The following ATG4B variants were observed in gnomAD, a reference collection of about 807,000 sequenced individuals.
The protein encoded by ATG4B is autophagy related 4B cysteine peptidase, also known as cysteine protease ATG4B.
Under a neutral mutation model 56.6 loss-of-function variants are expected in ATG4B, and 29 were observed. That is an observed-to-expected ratio of 0.51 (90% CI 0.38 to 0.70). The LOEUF is 0.70. Ranked by LOEUF, ATG4B falls within the 30% of genes least tolerant of loss-of-function variation. ATG4B has a pLI of 0.00. For missense variants in ATG4B, 461 were observed against 515.5 expected (o/e 0.89, Z 1.02); for synonymous variants, 224 against 206.1 (o/e 1.09, Z -0.74).
intron 1 of ATG4B, among the ~76,000 whole-genome samples, chr2:241,643,573 T>A (rs1157197613): frequency 1.3e-5 from 2 of 150,054 alleles, no homozygotes; most frequent in Non-Finnish European, 3.0e-5. Flanking sequence ...TATATATTTA[T>A]TTATGTATAT....
chr2:241,664,393 C>G (rs1175396301), intron 7 of ATG4B, among the ~76,000 whole-genome samples: 1 of 152,148 alleles, frequency 6.6e-6, no homozygotes, highest in Non-Finnish European at 1.5e-5. Context: ...AAAAAACTAG[C>G]CGGACATGGG....
At chr2:241,652,633 A>G (rs2125124774) in intron 3 of ATG4B, among the ~76,000 whole-genome samples, 1 of 152,234 alleles carries the variant, frequency 6.6e-6, no homozygotes, top group Admixed American at 6.5e-5. Context: ...AGTGTCTGGG[A>G]CTACAGGTGC....
chr2:241,643,817 C>T (rs546673306), intron 1 of ATG4B, among the ~76,000 whole-genome samples: 139 of 151,666 alleles, frequency 9.2e-4, no homozygotes, highest in African/African-American at 3.2e-3. Flanking sequence ...CCCACCTTGG[C>T]CTCCTAAAGT....
At position 241,642,871 on chromosome 2, in the gene ATG4B, C is replaced by CTTTTTTTTTTTTTTTTTTTTTTTTTTTT. The variant is rs1321613822; in HGVS notation, c.10+5147_10+5148insTTTTTTTTTTTTTTTTTTTTTTTTTTTT. 1.2e-4 allele frequency among the ~76,000 whole-genome samples: 12 copies of CTTTTTTTTTTTTTTTTTTTTTTTTTTTT among 98,428 alleles called. 5 individuals carry two copies. Among genetic ancestry groups the CTTTTTTTTTTTTTTTTTTTTTTTTTTTT allele is most frequent in the African/African-American group, 3.0e-4 (7 of 23,504 alleles). 64.6% of individuals were successfully genotyped at this position (98,428 alleles called of 152,430 possible). A position where few individuals can be genotyped will look rare whatever the true frequency, so the allele number is the denominator to read the frequency against. On this transcript the variant is annotated intron_variant, in intron 1 of 12. Transcript: ENST00000404914. ...CTTAAGGTGTACAGCACCTCTCCGT[C>CTTTTTTTTTTTTTTTTTTTTTTTTTTTT]CTTTTTTTTTTTTTTTTTTTTTTTT...
In ATG4B at chr2:241,668,091, G is replaced by A. The variant is rs1057031332; in HGVS notation, c.733-52G>A. On this transcript the variant is annotated intron_variant, in intron 8 of 12. Coordinates refer to ENST00000404914, the MANE Select transcript of ATG4B (RefSeq NM_013325.5). The surrounding 1 kb of genome is among the most constrained non-coding windows in gnomAD (Gnocchi z 4.2). ...GGGCCCCCTATGGCAGTGGGTGGGG[G>A]GACCGTCTGCTCCCACCTGGGACCT... 1.3e-6 allele frequency: 2 copies of A among 1,537,852 alleles called. No individual in the cohort carries two copies. Among genetic ancestry groups the A allele is most frequent in the Non-Finnish European group, 1.8e-6 (2 of 1,136,574 alleles).
At chr2:241,652,749 C>T (rs963034629) in intron 3 of ATG4B, among the ~76,000 whole-genome samples, 4 of 152,158 alleles carry the variant, frequency 2.6e-5, no homozygotes, top group African/African-American at 7.2e-5. Flanking sequence ...TGGTGGGTGA[C>T]GGCCACCACT....
At chr2:241,669,477 A>T (rs1171353011) in intron 10 of ATG4B, among the ~76,000 whole-genome samples, 1 of 151,942 alleles carries the variant, frequency 6.6e-6, no homozygotes, top group Non-Finnish European at 1.5e-5. Flanking sequence ...AGTGGGGAAC[A>T]TGGGCTGGAG....
At chr2:241,639,376 G>C (rs2067812068) in intron 1 of ATG4B, among the ~76,000 whole-genome samples, 1 of 152,218 alleles carries the variant, frequency 6.6e-6, no homozygotes, top group African/African-American at 2.4e-5. Context: ...CCATTGCCCT[G>C]CTCCAGGCTA....
At chr2:241,650,673 G>T (rs545723580) in intron 1 of ATG4B, among the ~76,000 whole-genome samples, 2 of 152,186 alleles carry the variant, frequency 1.3e-5, no homozygotes, top group African/African-American at 4.8e-5. Context: ...TCACCCCTCA[G>T]GTTGGCCCCT....
Position 241,666,808 on chromosome 2 carries a change from C to T in ATG4B, c.702C>T (p.Asp234=), listed in dbSNP as rs904924984. The change falls in exon 8 of 13, where the codon GAC becomes GAT. Residue 234 remains aspartate (D), a synonymous_variant. Coordinates refer to ENST00000404914, the MANE Select transcript of ATG4B (RefSeq NM_013325.5). The part of the protein sequence containing the change: ...LLIPLRLGLT[D]INEAYVETLK... ...TTCCCCTGCGCCTGGGGCTCACGGACATCAACGAGGCCTACGTGGAGACGC... is the reference window on the plus strand; with the variant it reads ...TTCCCCTGCGCCTGGGGCTCACGGATATCAACGAGGCCTACGTGGAGACGC... 5.1e-6 allele frequency: 8 copies of T among 1,574,348 alleles called. No homozygotes were observed. Among genetic ancestry groups the T allele is most frequent in the South Asian group, 1.2e-5 (1 of 85,998 alleles).
intron 7 of ATG4B, chr2:241,659,889 C>G (rs913914586): frequency 6.3e-6 from 1 of 158,572 alleles, no homozygotes; most frequent in Admixed American, 5.9e-5. Context: ...ATCCAATTTT[C>G]CATAAGAAAG....
At chr2:241,670,979 A>C (rs1013728936) in intron 11 of ATG4B, among the ~76,000 whole-genome samples, 197 bp downstream of exon 11, 18 of 152,302 alleles carry the variant, frequency 1.2e-4, no homozygotes, top group African/African-American at 4.3e-4. Flanking sequence ...CACAGTTAAC[A>C]ACCCTGGGGA....
chr2:241,668,757 C>T lies in ATG4B; in HGVS notation c.957+72C>T, dbSNP rs780892379. The T allele has an allele frequency of 6.2e-5, 93 of 1,499,602 alleles. 1 individual carries two copies. The Admixed American group carries it at 1.2e-3, about 19-fold the overall frequency. The allele number at this position is 1,499,602 out of a possible 1,614,324, so 92.9% of individuals were successfully genotyped here. ...GTTTGGGAATGACGAGGAAAACTTT[C>T]GGATTTTTGCGTTTTTTTTTTCAGC... On this transcript the variant is annotated intron_variant, in intron 10 of 12. Transcript: ENST00000404914. This position sits in a 1 kb window ranked among gnomAD's most constrained non-coding sequence, Gnocchi z 4.2.
chr2:241,671,205 G>T, intron 11 of ATG4B, 107 bp from the exon 12 acceptor site: 2 of 958,546 alleles, frequency 2.1e-6, no homozygotes, highest in Non-Finnish European at 3.2e-6. Flanking sequence ...TCATCAGTGA[G>T]ATGGGATGAC....
chr2:241,655,508 T>G, intron 6 of ATG4B, 165 bp downstream of exon 6: 1 of 678,206 alleles, frequency 1.5e-6, no homozygotes, highest in South Asian at 1.9e-5. Context: ...GTCTTGTGAA[T>G]AGGAATTTAT....
At chr2:241,650,364 G>C (rs1300085745) in intron 1 of ATG4B, among the ~76,000 whole-genome samples, 1 of 152,086 alleles carries the variant, frequency 6.6e-6, no homozygotes, top group African/African-American at 2.4e-5. Context: ...AGCACCCCAT[G>C]CTTCTCCAGC....
intron 7 of ATG4B, among the ~76,000 whole-genome samples, chr2:241,662,837 C>T (rs1031941969): frequency 7.5e-6 from 1 of 132,566 alleles, no homozygotes; most frequent in African/African-American, 2.9e-5. Flanking sequence ...AACTTCAAAA[C>T]CAATAAAGTG....
At position 241,668,532 on chromosome 2, in the gene ATG4B, C is replaced by A. The variant is rs778320451; in HGVS notation, c.812-8C>A. 12 of 1,607,018 alleles carry A rather than the reference C, an allele frequency of 7.5e-6. No homozygotes were observed. Among genetic ancestry groups the A allele is most frequent in the Non-Finnish European group, 9.3e-6 (11 of 1,178,964 alleles). On this transcript the variant is annotated splice_polypyrimidine_tract_variant and splice_region_variant and intron_variant, in intron 9 of 12. Coordinates refer to ENST00000404914, the MANE Select transcript of ATG4B (RefSeq NM_013325.5). The surrounding 1 kb of genome is among the most constrained non-coding windows in gnomAD (Gnocchi z 4.2). ...CCACCCACCTGCCCACCTGCCTCAT[C>A]CTCCCAGGTGAGGAGCTCATCTACC... is the stretch of plus-strand genomic sequence containing the variant.
chr2:241,673,377 C>G lies in ATG4B; in HGVS notation c.*1113C>G. 1 of 362,182 alleles carries G rather than the reference C, an allele frequency of 2.8e-6. No individual in the cohort carries two copies. The highest frequency in any genetic ancestry group is 2.0e-5 in the South Asian group (1 of 49,806). The allele number at this position is 362,182 out of a possible 1,614,324, so 22.4% of individuals were successfully genotyped here. A position where few individuals can be genotyped will look rare whatever the true frequency, so the allele number is the denominator to read the frequency against. ...CCTGTCCTGGGAAAGTATCTTTGCC[C>G]CACTAGGAAATGTAAACAGGAGGGC... On this transcript the variant is annotated 3_prime_UTR_variant, in exon 13 of 13. Coordinates refer to ENST00000404914, the MANE Select transcript of ATG4B (RefSeq NM_013325.5).
Sources: gnomAD v4.1 joint callset for allele counts (sites outside exome capture counted in the v4.1 genomes callset) on GRCh38, gnomAD v4.1.1 for gene constraint, Gnocchi (gnomAD v3.1) non-coding constraint, MANE v1.5 for transcripts, NCBI Gene and HGNC (gene_info 2026-07-23, HGNC 2026-07-21) for gene names.